The following STK17B variants were observed in gnomAD, a reference collection of about 807,000 sequenced individuals.
The protein encoded by STK17B is serine/threonine kinase 17b.
In STK17B, 21 loss-of-function variants were observed where a neutral mutation model predicts 42.0. The observed-to-expected ratio is 0.50, with a 90% CI of 0.35 to 0.72. STK17B has a LOEUF of 0.72. Ranked by LOEUF, STK17B falls within the 30% of genes least tolerant of loss-of-function variation. The pLI is 0.00. For missense variants in STK17B, 349 were observed against 446.0 expected (o/e 0.78, Z 1.96); for synonymous variants, 143 against 148.4 (o/e 0.96, Z 0.26).
upstream of STK17B, among the ~76,000 whole-genome samples, chr2:196,173,641 A>G (rs1699972727): frequency 6.6e-6 from 1 of 152,148 alleles, no homozygotes; most frequent in Non-Finnish European, 1.5e-5. Flanking sequence ...ACCTAAACTC[A>G]TTCATCACCG....
chr2:196,146,334 T>A (rs569513525), intron 3 of STK17B, among the ~76,000 whole-genome samples: 2 of 151,996 alleles, frequency 1.3e-5, no homozygotes, highest in South Asian at 4.2e-4. Flanking sequence ...TGGTGAAACA[T>A]CTCTACTAAA....
At chr2:196,171,700 G>T (rs112666338), upstream of STK17B, 292 of 151,258 alleles carry the variant, frequency 1.9e-3, 2 homozygotes, top group African/African-American at 6.8e-3. Context: ...CGGGGCACCG[G>T]CCGGGGGCGC....
intron 1 of STK17B, chr2:196,166,376 C>T (rs999400662): frequency 6.6e-6 from 1 of 152,158 alleles, no homozygotes; most frequent in African/African-American, 2.4e-5. Context: ...TCCAACAATT[C>T]CCAGGCCTTT....
Position 196,143,657 on chromosome 2 carries a change from G to A in STK17B, c.510C>T (p.Tyr170=). 2 of 1,592,090 alleles carry A rather than the reference G, an allele frequency of 1.3e-6. No homozygotes were observed. Among genetic ancestry groups the A allele is most frequent in the South Asian group, 2.3e-5 (2 of 87,038 alleles). ...KPQNILLSSI[Y]PLGDIKIVDF... ...CTACTATTTTAATGTCCCCGAGAGG[G>A]TATATGCTGCTCAGTAATATATTCT... Residue 170 remains tyrosine, a synonymous_variant, in exon 5 of 8, where the codon TAC becomes TAT. Coordinates refer to ENST00000263955, the MANE Select transcript of STK17B (RefSeq NM_004226.4).
intron 3 of STK17B, among the ~76,000 whole-genome samples, chr2:196,149,125 G>A (rs1442771184): frequency 6.6e-6 from 1 of 151,798 alleles, no homozygotes; most frequent in East Asian, 1.9e-4. Context: ...ACTTATCACA[G>A]TGTCTGACAC....
At chr2:196,160,039 T>C (rs1262245225) in intron 2 of STK17B, among the ~76,000 whole-genome samples, 1 of 152,238 alleles carries the variant, frequency 6.6e-6, no homozygotes, top group South Asian at 2.1e-4. Context: ...TAAAATGCTA[T>C]AGTTTAAAAG....
intron 5 of STK17B, 69 bp downstream of exon 5, chr2:196,143,491 T>C (rs1699522244): frequency 5.1e-6 from 7 of 1,365,322 alleles, no homozygotes; most frequent in South Asian, 1.6e-5. Context: ...CTCTAAAATA[T>C]AGTTCTACAG....
chr2:196,175,632 A>G (rs549004332), upstream of STK17B, among the ~76,000 whole-genome samples: 2 of 152,364 alleles, frequency 1.3e-5, no homozygotes, highest in East Asian at 1.9e-4. Context: ...TGTCTCAAAA[A>G]TAAATAAAGT....
At chr2:196,144,356 A>G (rs906357773) in intron 4 of STK17B, among the ~76,000 whole-genome samples, 4 of 151,354 alleles carry the variant, frequency 2.6e-5, no homozygotes, top group African/African-American at 9.7e-5. Context: ...GCGTGGTGGC[A>G]GGCACCTGTA....
chr2:196,163,521 TAAAA>T, intron 1 of STK17B, 94 bp from the exon 2 acceptor site: 1 of 744,640 alleles, frequency 1.3e-6, no homozygotes, highest in East Asian at 4.0e-5. Flanking sequence ...AAAATACAAC[TAAAA>T]AAAAAAAAGA....
chr2:196,155,767 T>C (rs1699730124), intron 3 of STK17B, among the ~76,000 whole-genome samples: 1 of 152,210 alleles, frequency 6.6e-6, no homozygotes, highest in Non-Finnish European at 1.5e-5. Context: ...AAGAGTCACA[T>C]GTCAATATAC....
chr2:196,144,686 T>C (rs1205581278), intron 4 of STK17B, among the ~76,000 whole-genome samples: 1 of 151,984 alleles, frequency 6.6e-6, no homozygotes, highest in Non-Finnish European at 1.5e-5. Flanking sequence ...TAAGAGGGCA[T>C]AGTACACCTC....
At chr2:196,145,374 AAAG>A (rs1051058021) in intron 4 of STK17B, among the ~76,000 whole-genome samples, 2 of 152,160 alleles carry the variant, frequency 1.3e-5, no homozygotes, top group African/African-American at 4.8e-5. Flanking sequence ...TGTGGTTATG[AAAG>A]AAGGATAAGG....
chr2:196,168,831 A>G (rs746438591), intron 1 of STK17B, among the ~76,000 whole-genome samples: 1 of 152,214 alleles, frequency 6.6e-6, no homozygotes, highest in Non-Finnish European at 1.5e-5. Flanking sequence ...ATAGCCTTTG[A>G]TAACAGCCCA....
chr2:196,141,940 T>C (rs1368042234), intron 5 of STK17B, among the ~76,000 whole-genome samples: 1 of 152,104 alleles, frequency 6.6e-6, no homozygotes, highest in African/African-American at 2.4e-5. Context: ...TTAGTTTTAT[T>C]ACTTTAGAAT....
upstream of STK17B, among the ~76,000 whole-genome samples, chr2:196,174,033 T>A (rs1210808591): frequency 1.3e-5 from 2 of 152,092 alleles, no homozygotes; most frequent in Non-Finnish European, 2.9e-5. Context: ...AGGTGGCCAT[T>A]TGCAAAGCAA....
intron 7 of STK17B, 150 bp from the exon 8 acceptor site, chr2:196,137,879 AATG>A: frequency 3.5e-6 from 3 of 853,510 alleles, no homozygotes; most frequent in Admixed American, 3.0e-5. Flanking sequence ...AGAGAATAAT[AATG>A]ATAATAGCTG....
intron 2 of STK17B, among the ~76,000 whole-genome samples, chr2:196,156,965 G>C (rs1462302194): frequency 6.6e-6 from 1 of 152,112 alleles, no homozygotes; most frequent in African/African-American, 2.4e-5. Context: ...AGGAGCTCAA[G>C]ACCAGCCTGG....
intron 3 of STK17B, among the ~76,000 whole-genome samples, chr2:196,149,472 C>T (rs1699633093): frequency 6.6e-6 from 1 of 152,134 alleles, no homozygotes; most frequent in Non-Finnish European, 1.5e-5. Context: ...CCAATATCAG[C>T]TATTATAATG....
Sources: allele counts gnomAD v4.1 joint callset (sites outside exome capture counted in the v4.1 genomes callset), GRCh38; gene constraint gnomAD v4.1.1; transcripts MANE v1.5; gene names NCBI Gene and HGNC (gene_info 2026-07-23, HGNC 2026-07-21).